NCOA1: variants seen among roughly 807,000 people sequenced by gnomAD.
NCOA1 encodes the protein nuclear receptor coactivator 1, also known as Hin-2 protein.
In NCOA1, 35 loss-of-function variants were observed where a neutral mutation model predicts 150.9. The observed-to-expected ratio is 0.23, with a 90% confidence interval of 0.18 to 0.31. The LOEUF (loss-of-function observed/expected upper bound fraction) is 0.31. NCOA1 is among the 10% of genes least tolerant of loss of function. NCOA1 has a pLI of 1.00. For synonymous variants in NCOA1, 590 were observed against 630.0 expected (o/e 0.94, Z 0.95); for missense variants, 1,491 against 1,749.3 (o/e 0.85, Z 2.63).
intron 21 of NCOA1, among the ~76,000 whole-genome samples, chr2:24,760,436 C>T (rs926475361): frequency 6.6e-6 from 1 of 151,092 alleles, no homozygotes; most frequent in African/African-American, 2.4e-5. Context: ...GGATTACAGG[C>T]GTGAGCCACC....
chr2:24,590,120 T>C (rs1444628295), intron 3 of NCOA1, among the ~76,000 whole-genome samples: 4 of 152,230 alleles, frequency 2.6e-5, no homozygotes, highest in Non-Finnish European at 1.5e-5. Context: ...AAAACTTTTA[T>C]CTTAGTGTAA....
rs1663615523 is a variant in NCOA1, at chr2:24,741,814, C to T, written c.3334C>T (p.Arg1112Cys). 1 of 1,613,608 alleles carries T rather than the reference C, an allele frequency of 6.2e-7. No individual in the cohort carries two copies. Among genetic ancestry groups the T allele is most frequent in the Non-Finnish European group, 8.5e-7 (1 of 1,179,768 alleles). The change falls in exon 19 of 23, where the codon CGT (arginine) becomes TGT (cysteine). Residue 1112 changes from arginine to cysteine, a missense_variant. This residue lies in a region of NCOA1 where 485 missense variants were observed against 522.8 expected (regional missense o/e 0.93). Transcript: ENST00000348332. Reference sequence around the variant, plus strand: ...CCTGAATGCTCAAATGTTGGCACAACGTCAGCGGGAACTGTACAGTCAACA... The same window carrying T: ...CCTGAATGCTCAAATGTTGGCACAATGTCAGCGGGAACTGTACAGTCAACA... Reference protein sequence around the residue: ...PPLNAQMLAQRQRELYSQQHR... With the variant: ...PPLNAQMLAQCQRELYSQQHR...
chr2:24,634,214 G>A (rs1669832236), intron 3 of NCOA1, among the ~76,000 whole-genome samples: 1 of 152,164 alleles, frequency 6.6e-6, no homozygotes, highest in Non-Finnish European at 1.5e-5. Flanking sequence ...ATCAAGGGGA[G>A]GGGGAAGGAA....
intron 3 of NCOA1, among the ~76,000 whole-genome samples, chr2:24,593,078 C>G (rs931314985): frequency 6.6e-6 from 1 of 152,244 alleles, no homozygotes. Flanking sequence ...GCAATAAAAA[C>G]TTGATACAGT....
intron 1 of NCOA1, among the ~76,000 whole-genome samples, chr2:24,508,198 C>T (rs1162268132): frequency 6.6e-6 from 1 of 152,082 alleles, no homozygotes; most frequent in Non-Finnish European, 1.5e-5. Context: ...AATTTCATTT[C>T]ATAGTTATGA....
intron 1 of NCOA1, among the ~76,000 whole-genome samples, chr2:24,547,724 C>T (rs1476824084): frequency 2.6e-5 from 4 of 151,722 alleles, no homozygotes; most frequent in Admixed American, 2.6e-4. Context: ...TGCAATGGCT[C>T]ATGCCTGTAA....
At chr2:24,726,733 A>T (rs41281517) in intron 15 of NCOA1, 27 bp downstream of exon 15, 2 of 1,464,090 alleles carry the variant, frequency 1.4e-6, no homozygotes, top group Non-Finnish European at 1.9e-6. Context: ...GTATTTTATA[A>T]GGTATCAGAT....
intron 17 of NCOA1, 36 bp downstream of exon 17, chr2:24,729,851 T>C (rs1662900224): frequency 6.7e-7 from 1 of 1,497,034 alleles, no homozygotes; most frequent in African/African-American, 1.9e-5. Context: ...TACTTTTTTT[T>C]TTTTTGAGAC....
intron 3 of NCOA1, among the ~76,000 whole-genome samples, chr2:24,599,546 C>A (rs562846685): frequency 2.0e-5 from 3 of 152,064 alleles, no homozygotes; most frequent in Admixed American, 6.6e-5. Context: ...GGCCCTTATA[C>A]GTAGGATTTT....
chr2:24,660,558 T>G (rs912289932), intron 5 of NCOA1, among the ~76,000 whole-genome samples: 1 of 152,170 alleles, frequency 6.6e-6, no homozygotes, highest in Admixed American at 6.5e-5. Flanking sequence ...GTATACTTTT[T>G]CAACATGGAT....
intron 17 of NCOA1, among the ~76,000 whole-genome samples, chr2:24,739,205 T>A (rs532019653): frequency 1.9e-3 from 293 of 152,192 alleles, no homozygotes; most frequent in Admixed American, 3.7e-3. Flanking sequence ...GAGTGCAGTG[T>A]GTTTGTATCC....
At chr2:24,666,216 A>G (rs946883176) in intron 6 of NCOA1, among the ~76,000 whole-genome samples, 9 of 151,874 alleles carry the variant, frequency 5.9e-5, no homozygotes, top group African/African-American at 1.4e-4. Context: ...GGGTTTCACC[A>G]TGTTAGCCAG....
At chr2:24,654,668 G>A (rs960738116) in intron 4 of NCOA1, among the ~76,000 whole-genome samples, 2 of 152,140 alleles carry the variant, frequency 1.3e-5, no homozygotes, top group Non-Finnish European at 2.9e-5. Context: ...GACTGCCTCA[G>A]TCACTGGGAC....
intron 14 of NCOA1, among the ~76,000 whole-genome samples, chr2:24,713,819 A>G (rs556472819): frequency 1.3e-5 from 2 of 152,350 alleles, no homozygotes; most frequent in South Asian, 4.1e-4. Context: ...GAAAATAGTG[A>G]TAGGAGTTCA....
intron 9 of NCOA1, among the ~76,000 whole-genome samples, chr2:24,692,099 TAAG>T (rs1672691135): frequency 6.6e-6 from 1 of 152,134 alleles, no homozygotes; most frequent in South Asian, 2.1e-4. Flanking sequence ...GGAGAAAACT[TAAG>T]AACAGATGGA....
rs747852374 is a variant in NCOA1 at position 24,682,996 on chromosome 2, G to T, written c.400G>T (p.Val134Leu). 18 of 1,606,782 alleles carry T rather than the reference G, an allele frequency of 1.1e-5. No homozygotes were observed. Among genetic ancestry groups the T allele is most frequent in the Non-Finnish European group, 1.4e-5 (17 of 1,177,444 alleles). Residue 134 changes from valine to leucine, a missense_variant, in exon 8 of 23, where the codon GTA becomes TTA. Physicochemically the swap from Val to Leu is conservative, Grantham distance 32 (BLOSUM62 1). Coordinates refer to ENST00000348332, the MANE Select transcript of NCOA1 (RefSeq NM_003743.5). ...TGTTGTGAACTGTGAAGGGAGAATT[G>T]TATTTGTGTCAGAGAATGTAACCAG... ...FFVVNCEGRI[V>L]FVSENVTSYL...
intron 1 of NCOA1, chr2:24,492,039 C>G (rs973429246): frequency 5.3e-5 from 8 of 152,026 alleles, no homozygotes; most frequent in African/African-American, 1.7e-4. Flanking sequence ...GTGACCTTGG[C>G]CGGCCCGCTC....
chr2:24,525,010 A>G (rs1330435575), intron 1 of NCOA1, among the ~76,000 whole-genome samples: 1 of 152,242 alleles, frequency 6.6e-6, no homozygotes, highest in African/African-American at 2.4e-5. Context: ...CAGCCAGTGT[A>G]GGGCTAGTGC....
chr2:24,555,374 G>T (rs1666029362), intron 1 of NCOA1, among the ~76,000 whole-genome samples: 1 of 152,008 alleles, frequency 6.6e-6, no homozygotes, highest in African/African-American at 2.4e-5. Context: ...TGTTTTACGG[G>T]CCAGAATACG....
Sources: gnomAD v4.1 joint callset for allele counts (sites outside exome capture counted in the v4.1 genomes callset) on GRCh38, gnomAD v4.1.1 for gene constraint, gnomAD v4.1.1 regional missense constraint, MANE v1.5 for transcripts, NCBI Gene and HGNC (gene_info 2026-07-23, HGNC 2026-07-21) for gene names.